Variants in PRB2 observed in about 807,000 individuals in gnomAD.
PRB2 encodes proline rich protein BstNI subfamily 2, also known as basic salivary proline-rich protein 2.
In PRB2, 12 loss-of-function variants were observed where a neutral mutation model predicts 8.3. The ratio of observed to expected loss-of-function variants is 1.45; its 90% CI spans 0.93 to 2.35. The LOEUF is 2.35. Ranked by LOEUF, PRB2 falls within the 30% of genes most tolerant of loss-of-function variation. The pLI is 0.00. For synonymous variants in PRB2, 146 were observed against 180.0 expected (o/e 0.81, Z 1.51); for missense variants, 470 against 507.0 (o/e 0.93, Z 0.70).
rs774661335 is a variant in PRB2 at position 11,392,969 on chromosome 12, G to C, written c.1109C>G (p.Pro370Arg). The C allele has an allele frequency of 3.1e-6, 5 of 1,612,582 alleles. No homozygotes were observed. The South Asian group carries it at 5.5e-5, about 18-fold the overall frequency. Residue 370 changes from proline to arginine, a missense_variant, in exon 3 of 4, where the codon CCC (proline) becomes CGC (arginine). By Grantham distance (103) the Pro-to-Arg change is moderately radical. This residue lies in a region of PRB2 where 205 missense variants were observed against 195.0 expected (regional missense o/e 1.05). Transcript: ENST00000389362. ...RSPPGKPQGP[P>R]QQEGNNPQGP... ...TTGAGGATTGTTGCCTTCTTGTTGG[G>C]GTGGTCCTTGTGGCTTTCCTGGAGG...
chr12:11,394,351 G>T lies in PRB2; in HGVS notation c.100+144C>A, dbSNP rs1031061976. On this transcript the variant is annotated intron_variant, in intron 2 of 3. Coordinates refer to ENST00000389362, the MANE Select transcript of PRB2 (RefSeq NM_006248.4). ...GCTCATGATGCCCAGAATCAAGGTT[G>T]CATGAAGAGTGCCTATATTATTAGG... 4 of 1,054,082 alleles carry T rather than the reference G, an allele frequency of 3.8e-6. No individual in the cohort carries two copies. The African/African-American group carries it at 4.7e-5, about 12-fold the overall frequency. 65.3% of individuals were successfully genotyped at this position (1,054,082 alleles called of 1,614,324 possible).
At chr12:11,391,875 T>C (rs541649115) in intron 3 of PRB2, among the ~76,000 whole-genome samples, 1 of 137,136 alleles carries the variant, frequency 7.3e-6, no homozygotes, top group East Asian at 2.0e-4. Flanking sequence ...CAGAAGATCA[T>C]TCTTAGCTTA....
chr12:11,394,120 C>A, intron 2 of PRB2, 143 bp from the exon 3 acceptor site: 1 of 1,232,896 alleles, frequency 8.1e-7, no homozygotes, highest in Non-Finnish European at 1.1e-6. Flanking sequence ...AATTTCTTTG[C>A]ATTTCAGTGA....
At position 11,394,944 on chromosome 12, in the gene PRB2, C is replaced by G. The variant is rs192580681; in HGVS notation, c.65-414G>C. Among the ~76,000 whole-genome samples, 38 of 152,186 alleles carry G rather than the reference C, an allele frequency of 2.5e-4. No individual in the cohort carries two copies. In the East Asian group the frequency reaches 3.7e-3, roughly 15 times the overall value. On this transcript the variant is annotated intron_variant, in intron 1 of 3. Transcript: ENST00000389362. The stretch of plus-strand genomic sequence containing the variant: ...ACAATCTTACCCATACCACTCCCAG[C>G]ACATTGAAATACTGCGTGTAAGGGA...
At chr12:11,392,668 C>G in intron 3 of PRB2, 126 bp downstream of exon 3, 1 of 492,274 alleles carries the variant, frequency 2.0e-6, no homozygotes. Context: ...TATGTCAATA[C>G]AAATCTTTAG....
intron 1 of PRB2, among the ~76,000 whole-genome samples, chr12:11,395,072 G>T (rs570879499): frequency 6.6e-6 from 1 of 152,238 alleles, no homozygotes; most frequent in South Asian, 2.1e-4. Context: ...CTGATACTGT[G>T]TGTGTCTATC....
Position 11,393,846 on chromosome 12 carries a change from G to T in PRB2, c.232C>A (p.Pro78Thr). The T allele has an allele frequency of 1.3e-6, 2 of 1,498,120 alleles. No homozygotes were observed. Among genetic ancestry groups the T allele is most frequent in the Non-Finnish European group, 1.8e-6 (2 of 1,110,300 alleles). 92.8% of individuals were successfully genotyped at this position (1,498,120 alleles called of 1,614,324 possible). A position where few individuals can be genotyped will look rare whatever the true frequency, so the allele number is the denominator to read the frequency against. ...CCTCCTTGTGGGGGTGGTCCTTGTG[G>T]CTTTCCTGGAGGAGGTGGGGGACCT... is the stretch of plus-strand genomic sequence containing the variant. Reference protein sequence around the residue: ...PQGPPPPPGKPQGPPPQGGNK... With the variant: ...PQGPPPPPGKTQGPPPQGGNK... Residue 78 changes from proline (P) to threonine (T), a missense_variant, in exon 3 of 4, where the codon CCA becomes ACA. Around this residue, in one of 4 missense-constraint regions of PRB2, gnomAD observed 211 missense variants for 207.7 expected, o/e 1.02. Transcript: ENST00000389362.
At chr12:11,391,677 G>A (rs1864328755) in intron 3 of PRB2, 29 bp from the exon 4 acceptor site, 1 of 423,568 alleles carries the variant, frequency 2.4e-6, no homozygotes. Flanking sequence ...GAAGTTCATA[G>A]ACCAGACTTG....
chr12:11,392,726 A>G (rs1331350012), intron 3 of PRB2, 68 bp downstream of exon 3: 1 of 906,778 alleles, frequency 1.1e-6, no homozygotes, highest in East Asian at 2.8e-5. Flanking sequence ...TAGCTGATTC[A>G]TTGGCACAAT....
Position 11,393,664 on chromosome 12 carries a change from C to G in PRB2, c.414G>C (p.Lys138Asn). Residue 138 changes from lysine (K) to asparagine (N), a missense_variant, in exon 3 of 4, where the codon AAG becomes AAC. Lys to Asn is a moderately conservative substitution (Grantham distance 94). Coordinates refer to ENST00000389362, the MANE Select transcript of PRB2 (RefSeq NM_006248.4). ...QPQGPPPPPG[K>N]PQGPPPQGGN... is the part of the protein sequence containing the mutation. Reference sequence around the variant, plus strand: ...CTCCTTGTGGGGGTGGTCCTTGTGGCTTTCCTGGAGGAGGTGGAGGACCTT... The same window carrying G: ...CTCCTTGTGGGGGTGGTCCTTGTGGGTTTCCTGGAGGAGGTGGAGGACCTT... 6.7e-7 allele frequency: 1 copy of G among 1,487,354 alleles called. No homozygotes were observed. Among genetic ancestry groups the G allele is most frequent in the Non-Finnish European group, 9.0e-7 (1 of 1,111,948 alleles). 92.1% of individuals were successfully genotyped at this position (1,487,354 alleles called of 1,614,324 possible). A position where few individuals can be genotyped will look rare whatever the true frequency, so the allele number is the denominator to read the frequency against.
At chr12:11,394,220 C>T (rs958155464) in intron 2 of PRB2, among the ~76,000 whole-genome samples, 6 of 152,056 alleles carry the variant, frequency 3.9e-5, no homozygotes, top group African/African-American at 1.4e-4. Context: ...AGGATGCTGC[C>T]CATTTGTCTG....
intron 1 of PRB2, 102 bp from the exon 2 acceptor site, chr12:11,394,632 A>T (rs1433407412): frequency 2.8e-6 from 4 of 1,418,894 alleles, no homozygotes; most frequent in Non-Finnish European, 4.0e-6. Context: ...CACCCCATGC[A>T]TCCCCTAAGT....
Position 11,393,686 on chromosome 12 carries a change from C to G in PRB2, c.392G>C (p.Gly131Ala), listed in dbSNP as rs367936170. Residue 131 changes from glycine (G) to alanine (A), a missense_variant, in exon 3 of 4, where the codon GGT (glycine) becomes GCT (alanine). By Grantham distance (60) the Gly-to-Ala change is moderately conservative. Coordinates refer to ENST00000389362, the MANE Select transcript of PRB2 (RefSeq NM_006248.4). ...TGGCTTTCCTGGAGGAGGTGGAGGA[C>G]CTTGAGGCTGGTTGCCTCCTTGTGG... ...PPPQGGNQPQGPPPPPGKPQG... is the reference protein window; with the variant it reads ...PPPQGGNQPQAPPPPPGKPQG... The G allele has an allele frequency of 1.3e-6, 2 of 1,572,186 alleles. No homozygotes were observed. The highest frequency in any genetic ancestry group is 2.3e-5 in the East Asian group (1 of 42,910).
At position 11,393,922 on chromosome 12, in the gene PRB2, A is replaced by C. The variant is rs755039510; in HGVS notation, c.156T>G (p.Ser52=). The change falls in exon 3 of 4, where the codon TCT becomes TCG. Residue 52 remains serine (S), a synonymous_variant. Coordinates refer to ENST00000389362, the MANE Select transcript of PRB2 (RefSeq NM_006248.4). ...GTGGTCCTTGTGGCTTTCCTGGAGG[A>C]GATGGGGGACCTTGAGGTTTGTTGC... The part of the protein sequence containing the change: ...QGGNKPQGPP[S]PPGKPQGPPP... 3 of 1,464,704 alleles carry C rather than the reference A, an allele frequency of 2.0e-6. No homozygotes were observed. The highest frequency in any genetic ancestry group is 2.7e-6 in the Non-Finnish European group (3 of 1,094,998). 90.7% of individuals were successfully genotyped at this position (1,464,704 alleles called of 1,614,324 possible).
chr12:11,393,824 C>A lies in PRB2; in HGVS notation c.254G>T (p.Gly85Val). The A allele has an allele frequency of 6.7e-7, 1 of 1,494,684 alleles. No individual in the cohort carries two copies. Among genetic ancestry groups the A allele is most frequent in the Admixed American group, 1.9e-5 (1 of 51,482 alleles). 92.6% of individuals were successfully genotyped at this position (1,494,684 alleles called of 1,614,324 possible). A position where few individuals can be genotyped will look rare whatever the true frequency, so the allele number is the denominator to read the frequency against. ...TGGGGGACCTTGAGGTTTGTTGCCTCCTTGTGGGGGTGGTCCTTGTGGCTT... is the reference window on the plus strand; with the variant it reads ...TGGGGGACCTTGAGGTTTGTTGCCTACTTGTGGGGGTGGTCCTTGTGGCTT... ...PGKPQGPPPQ[G>V]GNKPQGPPPP... is the part of the protein sequence containing the mutation. The change falls in exon 3 of 4, where the codon GGA becomes GTA. Residue 85 changes from glycine to valine, a missense_variant. Transcript: ENST00000389362.
At position 11,393,030 on chromosome 12, in the gene PRB2, G is replaced by T. The variant is rs375050877; in HGVS notation, c.1048C>A (p.Pro350Thr). 1 of 1,603,936 alleles carries T rather than the reference G, an allele frequency of 6.2e-7. No homozygotes were observed. The highest frequency in any genetic ancestry group is 1.4e-5 in the African/African-American group (1 of 72,408). Residue 350 changes from proline to threonine, a missense_variant, in exon 3 of 4, where the codon CCA becomes ACA. By Grantham distance (38) the Pro-to-Thr change is conservative. Coordinates refer to ENST00000389362, the MANE Select transcript of PRB2 (RefSeq NM_006248.4). ...PPPGKPQGPP[P>T]QGGSKSRSAR... The stretch of plus-strand genomic sequence containing the variant: ...CTTCGGGACTTGCTGCCTCCTTGTG[G>T]GGGTGGTCCTTGTGGCTTTCCTGGA...
In PRB2 at chr12:11,393,341, G is replaced by A. The variant is rs559794621; in HGVS notation, c.737C>T (p.Pro246Leu). The change falls in exon 3 of 4, where the codon CCC (proline) becomes CTC (leucine). Residue 246 changes from proline to leucine, a missense_variant. By Grantham distance (98) the Pro-to-Leu change is moderately conservative (BLOSUM62 -3). This residue lies in a region of PRB2 where 205 missense variants were observed against 195.0 expected (regional missense o/e 1.05). Transcript: ENST00000389362. ...TTGGGGCTGGTTGCCTCCTTGTGGG[G>A]GTGGTCCTTGTGGCTTTCCTGGAGG... ...RSPPGKPQGP[P>L]PQGGNQPQGP... The A allele has an allele frequency of 1.3e-6, 2 of 1,582,250 alleles. No homozygotes were observed. The highest frequency in any genetic ancestry group is 2.3e-5 in the East Asian group (1 of 43,550).
intron 1 of PRB2, 84 bp from the exon 2 acceptor site, chr12:11,394,614 T>G: frequency 1.3e-6 from 2 of 1,507,132 alleles, no homozygotes; most frequent in Non-Finnish European, 1.8e-6. Context: ...AAAACAGACT[T>G]CTCACCACAC....
chr12:11,394,098 G>A lies in PRB2; in HGVS notation c.101-121C>T. ...TGAGTGGGGAAACACACAAAAATGAGACCAAGACATTAATTTCTTTGCATT... is the reference window on the plus strand; with the variant it reads ...TGAGTGGGGAAACACACAAAAATGAAACCAAGACATTAATTTCTTTGCATT... On this transcript the variant is annotated intron_variant, in intron 2 of 3. Transcript: ENST00000389362. The A allele has an allele frequency of 4.5e-6, 6 of 1,331,686 alleles. No homozygotes were observed. In the South Asian group the frequency reaches 5.1e-5, roughly 11 times the overall value. 82.5% of individuals were successfully genotyped at this position (1,331,686 alleles called of 1,614,324 possible). A position where few individuals can be genotyped will look rare whatever the true frequency, so the allele number is the denominator to read the frequency against.
Sources: allele counts gnomAD v4.1 joint callset (sites outside exome capture counted in the v4.1 genomes callset), GRCh38; gene constraint gnomAD v4.1.1; regional missense constraint gnomAD v4.1.1; transcripts MANE v1.5; gene names NCBI Gene and HGNC (gene_info 2026-07-23, HGNC 2026-07-21).